CXADR: variants seen among roughly 807,000 people sequenced by gnomAD.
CXADR encodes the protein coxsackievirus and adenovirus receptor.
A neutral mutation model predicts 40.3 loss-of-function variants in CXADR; 20 were observed. The ratio of observed to expected loss-of-function variants is 0.50; its 90% CI spans 0.35 to 0.72. The LOEUF (loss-of-function observed/expected upper bound fraction) is 0.72, where lower values mean the gene tolerates loss of function less well. Ranked by LOEUF, CXADR falls within the 30% of genes least tolerant of loss-of-function variation. CXADR has a pLI of 0.01. For missense variants in CXADR, 332 were observed against 449.1 expected (o/e 0.74, Z 2.36); for synonymous variants, 150 against 161.3 (o/e 0.93, Z 0.53).
intron 1 of CXADR, among the ~76,000 whole-genome samples, chr21:17,524,938 T>G (rs1380591272): frequency 6.6e-6 from 1 of 152,184 alleles, no homozygotes. Flanking sequence ...AGACTTAAAT[T>G]AAGCCTTTGA....
the CXADR span, chr21:17,612,404 G>A: frequency 6.6e-6 from 1 of 152,298 alleles, no homozygotes; most frequent in African/African-American, 2.4e-5. Flanking sequence ...CCCACCCGGA[G>A]GCGGAATGTA....
At chr21:17,529,615 C>G (rs1024764303) in intron 1 of CXADR, among the ~76,000 whole-genome samples, 2 of 152,204 alleles carry the variant, frequency 1.3e-5, no homozygotes, top group African/African-American at 4.8e-5. Flanking sequence ...GCCACTGCGC[C>G]CGGCCGCCTT....
At chr21:17,574,919 C>A (rs557222202), downstream of CXADR, among the ~76,000 whole-genome samples, 49 of 151,110 alleles carry the variant, frequency 3.2e-4, no homozygotes, top group African/African-American at 1.1e-3. Flanking sequence ...AACAAGTGCC[C>A]AAACTATGGG....
intron 2 of CXADR, among the ~76,000 whole-genome samples, chr21:17,547,432 G>T (rs2060912372): frequency 6.6e-6 from 1 of 152,172 alleles, no homozygotes; most frequent in Non-Finnish European, 1.5e-5. Flanking sequence ...AAGATCACTG[G>T]AGTTCTTAGA....
In CXADR at chr21:17,551,803, G is replaced by A; in HGVS notation, c.265G>A (p.Gly89Ser). The stretch of plus-strand genomic sequence containing the variant: ...TGATGACTACTATCCAGATCTGAAA[G>A]GCCGAGTACATTTTACGAGTAATGA... ...IYDDYYPDLK[G>S]RVHFTSNDLK... Residue 89 changes from glycine to serine, a missense_variant, in exon 3 of 7, where the codon GGC (glycine) becomes AGC (serine). Transcript: ENST00000284878. 4 of 1,613,758 alleles carry A rather than the reference G, an allele frequency of 2.5e-6. No individual in the cohort carries two copies. Among genetic ancestry groups the A allele is most frequent in the Non-Finnish European group, 3.4e-6 (4 of 1,179,790 alleles).
chr21:17,594,405 A>C, downstream of CXADR: 1 of 1,467,078 alleles, frequency 6.8e-7, no homozygotes, highest in Non-Finnish European at 9.1e-7. Context: ...TTCTCATTAA[A>C]GACAAACAAA....
At chr21:17,605,607 A>G in the CXADR span, among the ~76,000 whole-genome samples, 2 of 152,232 alleles carry the variant, frequency 1.3e-5, no homozygotes, top group African/African-American at 4.8e-5. Context: ...CTATTTACCC[A>G]AGCACTTTTA....
chr21:17,551,840 G>A lies in CXADR; in HGVS notation c.302G>A (p.Gly101Asp), dbSNP rs1158519149. The part of the protein sequence containing the change: ...VHFTSNDLKS[G>D]DASINVTNLQ... ...TTTACGAGTAATGATCTCAAATCTG[G>A]TGATGCATCAATAAATGTAACGAAT... Residue 101 changes from glycine to aspartate, a missense_variant, in exon 3 of 7, where the codon GGT becomes GAT. Transcript: ENST00000284878. The A allele has an allele frequency of 6.2e-7, 1 of 1,613,830 alleles. No individual in the cohort carries two copies. The highest frequency in any genetic ancestry group is 1.7e-5 in the Admixed American group (1 of 60,000).
At chr21:17,540,813 C>T (rs1479763624) in intron 1 of CXADR, among the ~76,000 whole-genome samples, 1 of 152,122 alleles carries the variant, frequency 6.6e-6, no homozygotes, top group Non-Finnish European at 1.5e-5. Context: ...TTCTGTGTTG[C>T]CACAGTTTCC....
the CXADR span, among the ~76,000 whole-genome samples, chr21:17,616,436 C>A: frequency 6.1e-5 from 9 of 148,456 alleles, no homozygotes; most frequent in Non-Finnish European, 1.5e-5. Context: ...GCCAGGTTCA[C>A]GCCATTCTCC....
chr21:17,631,954 G>A, the CXADR span, among the ~76,000 whole-genome samples: 2 of 152,130 alleles, frequency 1.3e-5, no homozygotes, highest in African/African-American at 2.4e-5. Context: ...TGGGACCACA[G>A]GTGTGCACCA....
chr21:17,605,767 T>G, the CXADR span, among the ~76,000 whole-genome samples: 1 of 152,188 alleles, frequency 6.6e-6, no homozygotes, highest in Non-Finnish European at 1.5e-5. Context: ...GCATTCTGAT[T>G]AAGTAGGGAA....
downstream of CXADR, among the ~76,000 whole-genome samples, chr21:17,572,952 A>G (rs1024002599): frequency 1.3e-5 from 2 of 152,226 alleles, no homozygotes; most frequent in African/African-American, 2.4e-5. Context: ...CTAGTCATTT[A>G]CAAGTCATTT....
intron 7 of CXADR, among the ~76,000 whole-genome samples, chr21:17,575,728 C>G (rs186071388): frequency 9.4e-4 from 142 of 150,822 alleles, no homozygotes; most frequent in Non-Finnish European, 1.6e-3. Context: ...CTCCTGACCT[C>G]GTGATCCACC....
Position 17,567,382 on chromosome 21 carries a change from T to G in CXADR, c.*1690T>G, listed in dbSNP as rs988876241. The G allele has an allele frequency of 3.0e-6, 3 of 984,968 alleles. No homozygotes were observed. In the African/African-American group the frequency reaches 5.2e-5, roughly 17 times the overall value. 61.0% of individuals were successfully genotyped at this position (984,968 alleles called of 1,614,324 possible). On this transcript the variant is annotated 3_prime_UTR_variant, in exon 7 of 7. Coordinates refer to ENST00000284878, the MANE Select transcript of CXADR (RefSeq NM_001338.5). ...GTTTTAACCTTATGTAAAATTACTT[T>G]TATACTCGTGTTAACATTTTCATCT... is the stretch of plus-strand genomic sequence containing the variant.
the CXADR span, among the ~76,000 whole-genome samples, chr21:17,629,849 A>G: frequency 6.9e-6 from 1 of 143,900 alleles, no homozygotes; most frequent in Non-Finnish European, 1.5e-5. Context: ...ATAAATAAAT[A>G]AAACAAAGTG....
intron 6 of CXADR, among the ~76,000 whole-genome samples, chr21:17,564,995 A>C (rs1291127296): frequency 2.0e-5 from 3 of 152,174 alleles, no homozygotes; most frequent in Non-Finnish European, 4.4e-5. Context: ...TCAGCTTCCC[A>C]AAGTGCTGGG....
chr21:17,522,678 A>G (rs974007651), intron 1 of CXADR, among the ~76,000 whole-genome samples: 3 of 152,154 alleles, frequency 2.0e-5, no homozygotes, highest in Non-Finnish European at 4.4e-5. Context: ...TCTATTGAAC[A>G]GTTTCTTTCT....
downstream of CXADR, among the ~76,000 whole-genome samples, chr21:17,595,741 C>G (rs902990463): frequency 2.0e-5 from 3 of 151,840 alleles, no homozygotes; most frequent in Non-Finnish European, 4.4e-5. Flanking sequence ...AATAACAGCA[C>G]AGTTAATTCT....
Sources: allele counts gnomAD v4.1 joint callset (sites outside exome capture counted in the v4.1 genomes callset), GRCh38; gene constraint gnomAD v4.1.1; transcripts MANE v1.5; gene names NCBI Gene and HGNC (gene_info 2026-07-23, HGNC 2026-07-21).